Variants in GMCL1 observed in about 807,000 individuals in gnomAD.
GMCL1 encodes the protein germ cell-less protein-like 1.
A neutral mutation model predicts 75.5 loss-of-function variants in GMCL1; 54 were observed. That is an observed-to-expected ratio of 0.71 (90% CI 0.57 to 0.90). The LOEUF is 0.90. Among genes scored for constraint, GMCL1 ranks in the 40% least tolerant of loss-of-function variants. The pLI is 0.00. For missense variants in GMCL1, 537 were observed against 622.7 expected (o/e 0.86, Z 1.47); for synonymous variants, 210 against 209.6 (o/e 1.00, Z -0.02).
chr2:69,830,352 T>A (rs1558534155), intron 1 of GMCL1, among the ~76,000 whole-genome samples, 200 bp downstream of exon 1: 1 of 152,276 alleles, frequency 6.6e-6, no homozygotes, highest in East Asian at 1.9e-4. Flanking sequence ...TGTTCCGCAT[T>A]TTCAACCACA....
At chr2:69,866,520 G>A (rs1454357234) in intron 11 of GMCL1, among the ~76,000 whole-genome samples, 1 of 152,148 alleles carries the variant, frequency 6.6e-6, no homozygotes, top group Admixed American at 6.5e-5. Context: ...CCAGGTTGGA[G>A]TGCAGTGGCA....
At chr2:69,874,090 GT>G (rs1445966918) in intron 13 of GMCL1, among the ~76,000 whole-genome samples, 2 of 151,408 alleles carry the variant, frequency 1.3e-5, no homozygotes, top group Admixed American at 6.6e-5. Flanking sequence ...GGATAAAGTT[GT>G]TTCTCATTTT....
chr2:69,854,817 T>C lies in GMCL1; in HGVS notation c.935-6T>C, dbSNP rs756950942. The stretch of plus-strand genomic sequence containing the variant: ...ATGGCTGTTTAACTTACATGGTTTT[T>C]TATAGATTTTGAAGGTATGGCCTTT... On this transcript the variant is annotated splice_polypyrimidine_tract_variant and splice_region_variant and intron_variant, in intron 8 of 13. Transcript: ENST00000282570. 6.2e-7 allele frequency: 1 copy of C among 1,600,420 alleles called. No individual in the cohort carries two copies. Among genetic ancestry groups the C allele is most frequent in the South Asian group, 1.1e-5 (1 of 88,330 alleles).
At chr2:69,868,442 C>T in intron 11 of GMCL1, among the ~76,000 whole-genome samples, 1 of 152,176 alleles carries the variant, frequency 6.6e-6, no homozygotes, top group East Asian at 1.9e-4. Flanking sequence ...ACTACCTTAT[C>T]TGATACTCTC....
chr2:69,880,821 C>T lies in GMCL1; in HGVS notation c.*1817C>T, dbSNP rs1414218205. The T allele has an allele frequency of 1.4e-5, 2 of 140,170 alleles. No homozygotes were observed. Among genetic ancestry groups the T allele is most frequent in the Non-Finnish European group, 3.0e-5 (2 of 66,504 alleles). 8.7% of individuals were successfully genotyped at this position (140,170 alleles called of 1,614,324 possible). On this transcript the variant is annotated 3_prime_UTR_variant, in exon 14 of 14. Transcript: ENST00000282570. Reference sequence around the variant, plus strand: ...GGAGATTGCGCCATTGCACTCCAACCTAGGCGACAGAGTGAGACTCCGTCT... The same window carrying T: ...GGAGATTGCGCCATTGCACTCCAACTTAGGCGACAGAGTGAGACTCCGTCT...
intron 13 of GMCL1, among the ~76,000 whole-genome samples, chr2:69,875,067 G>A (rs1676089710): frequency 6.6e-6 from 1 of 152,004 alleles, no homozygotes; most frequent in African/African-American, 2.4e-5. Context: ...TTTGTCATTT[G>A]TCTTTTCAAC....
Position 69,879,208 on chromosome 2 carries a change from G to A in GMCL1, c.*204G>A. The A allele has an allele frequency of 2.6e-6, 1 of 380,998 alleles. No homozygotes were observed. The highest frequency in any genetic ancestry group is 4.7e-6 in the Non-Finnish European group (1 of 212,420). The allele number at this position is 380,998 out of a possible 1,614,324, so 23.6% of individuals were successfully genotyped here. ...ATCCTCATTGCATTTCTATGCATAT[G>A]CGTAAGAACATTTTAAAGCCAAGAA... On this transcript the variant is annotated 3_prime_UTR_variant, in exon 14 of 14. Coordinates refer to ENST00000282570, the MANE Select transcript of GMCL1 (RefSeq NM_178439.5).
intron 13 of GMCL1, chr2:69,873,946 C>T (rs1676053176): frequency 1.4e-5 from 2 of 142,342 alleles, no homozygotes; most frequent in South Asian, 2.3e-4. Context: ...TAATTGTAAC[C>T]TTTTTTTTTT....
At chr2:69,872,801 T>C (rs924664520) in intron 13 of GMCL1, among the ~76,000 whole-genome samples, 2 of 152,216 alleles carry the variant, frequency 1.3e-5, no homozygotes, top group South Asian at 2.1e-4. Flanking sequence ...CCTCTGCAGC[T>C]GAACAGACAA....
intron 1 of GMCL1, among the ~76,000 whole-genome samples, chr2:69,836,920 T>G (rs1351101478): frequency 6.6e-6 from 1 of 152,168 alleles, no homozygotes; most frequent in Non-Finnish European, 1.5e-5. Flanking sequence ...TGAGCAGTTT[T>G]AAAAACCTTT....
intron 9 of GMCL1, among the ~76,000 whole-genome samples, chr2:69,856,202 G>A (rs74480597): frequency 2.1e-3 from 323 of 152,246 alleles, no homozygotes; most frequent in South Asian, 4.1e-3. Flanking sequence ...GCTCTCAGTA[G>A]GAAGGTATCT....
chr2:69,872,664 T>C (rs1259404398), intron 13 of GMCL1, among the ~76,000 whole-genome samples: 1 of 152,206 alleles, frequency 6.6e-6, no homozygotes, highest in African/African-American at 2.4e-5. Context: ...CCACCCATTG[T>C]TGAAACTCTA....
At chr2:69,843,369 A>G in intron 5 of GMCL1, 108 bp downstream of exon 5, 1 of 586,878 alleles carries the variant, frequency 1.7e-6, no homozygotes, top group Non-Finnish European at 3.1e-6. Flanking sequence ...AAGGAAAAAT[A>G]GGATAGGGGG....
At chr2:69,861,210 A>T in intron 9 of GMCL1, 68 bp from the exon 10 acceptor site, 2 of 1,136,966 alleles carry the variant, frequency 1.8e-6, no homozygotes, top group Non-Finnish European at 2.5e-6. Flanking sequence ...TTTGTCAACT[A>T]TGAATGTTTA....
chr2:69,871,283 T>G (rs1453711266), intron 12 of GMCL1, among the ~76,000 whole-genome samples: 1 of 152,100 alleles, frequency 6.6e-6, no homozygotes, highest in Non-Finnish European at 1.5e-5. Context: ...ACAAATATTG[T>G]AAGATTCCAC....
At chr2:69,849,035 T>A (rs1675235038) in intron 7 of GMCL1, among the ~76,000 whole-genome samples, 1 of 152,146 alleles carries the variant, frequency 6.6e-6, no homozygotes, top group South Asian at 2.1e-4. Context: ...TAGTATAAAA[T>A]TTCTAATTAA....
intron 6 of GMCL1, among the ~76,000 whole-genome samples, chr2:69,846,478 A>T (rs1434454566): frequency 6.6e-6 from 1 of 152,214 alleles, no homozygotes; most frequent in African/African-American, 2.4e-5. Flanking sequence ...ATGCCATTTT[A>T]TATAAGGGAC....
rs529323951 is a variant in GMCL1, at chr2:69,853,396, A to C, written c.935-1427A>C. Among the ~76,000 whole-genome samples, 4 of 152,368 alleles carry C rather than the reference A, an allele frequency of 2.6e-5. No homozygotes were observed. In the South Asian group the frequency reaches 8.3e-4, roughly 32 times the overall value. ...AGGCAGGTGCCAAGGGAATACAAAA[A>C]ATATATGAGATAATGTGGAAATTCT... On this transcript the variant is annotated intron_variant, in intron 8 of 13. Coordinates refer to ENST00000282570, the MANE Select transcript of GMCL1 (RefSeq NM_178439.5).
Position 69,843,739 on chromosome 2 carries a change from C to T in GMCL1, c.693-392C>T, listed in dbSNP as rs558838180. Among the ~76,000 whole-genome samples, 4 of 152,264 alleles carry T rather than the reference C, an allele frequency of 2.6e-5. No individual in the cohort carries two copies. In the East Asian group the frequency reaches 7.7e-4, roughly 29 times the overall value. On this transcript the variant is annotated intron_variant, in intron 5 of 13. Coordinates refer to ENST00000282570, the MANE Select transcript of GMCL1 (RefSeq NM_178439.5). Reference sequence around the variant, plus strand: ...CAGGAGGTTCAAGACTGCAATGAGCCGTGATCATGCCACTGCACTTTATAG... The same window carrying T: ...CAGGAGGTTCAAGACTGCAATGAGCTGTGATCATGCCACTGCACTTTATAG...
Sources: gnomAD v4.1 joint callset for allele counts (sites outside exome capture counted in the v4.1 genomes callset) on GRCh38, gnomAD v4.1.1 for gene constraint, MANE v1.5 for transcripts, NCBI Gene and HGNC (gene_info 2026-07-23, HGNC 2026-07-21) for gene names.